Variants in PKNOX2 observed in about 807,000 individuals in gnomAD.
The protein encoded by PKNOX2 is homeobox protein PKNOX2.
PKNOX2 carries 14 observed loss-of-function variants against 53.1 expected under a neutral mutation model. That is an observed-to-expected ratio of 0.26 (90% CI 0.17 to 0.41). PKNOX2 has a LOEUF of 0.41. Among genes scored for constraint, PKNOX2 ranks in the 10% least tolerant of loss-of-function variants. The pLI is 1.00. For missense variants in PKNOX2, 496 were observed against 602.8 expected, an observed-to-expected ratio of 0.82 and a Z score of 1.85; for synonymous variants, 257 against 242.8, an observed-to-expected ratio of 1.06 and a Z score of -0.54.
chr11:125,396,703 A>T (rs1954429171), intron 6 of PKNOX2, among the ~76,000 whole-genome samples: 1 of 152,226 alleles, frequency 6.6e-6, no homozygotes, highest in South Asian at 2.1e-4. Context: ...TGGCACACAC[A>T]TGAAATAATA....
chr11:125,351,135 GCTCTCATTTGTTGCC>G (rs1354382059), intron 3 of PKNOX2, 134 bp from the exon 4 acceptor site: 2 of 668,736 alleles, frequency 3.0e-6, no homozygotes, highest in African/African-American at 3.6e-5. Context: ...CTCTTCCTTA[GCTCTCATTTGTTGCC>G]CTGAAGGGCG....
chr11:125,298,754 A>T (rs1565490939), intron 2 of PKNOX2, among the ~76,000 whole-genome samples: 1 of 152,220 alleles, frequency 6.6e-6, no homozygotes, highest in Non-Finnish European at 1.5e-5. Flanking sequence ...GAAGCCAAAC[A>T]GTGGCCTCAG....
chr11:125,399,127 T>A (rs1295128926), intron 7 of PKNOX2, among the ~76,000 whole-genome samples: 1 of 152,220 alleles, frequency 6.6e-6, no homozygotes, highest in Non-Finnish European at 1.5e-5. Flanking sequence ...ATACACTCGG[T>A]ATCACATCCA....
chr11:125,208,833 A>T (rs1939469761), intron 1 of PKNOX2, among the ~76,000 whole-genome samples: 2 of 152,106 alleles, frequency 1.3e-5, no homozygotes, highest in Admixed American at 1.3e-4. Context: ...GCGAGAGGGG[A>T]CGTGTGCTGC....
intron 2 of PKNOX2, among the ~76,000 whole-genome samples, chr11:125,267,824 A>G (rs887355830): frequency 6.6e-6 from 1 of 152,120 alleles, no homozygotes; most frequent in African/African-American, 2.4e-5. Flanking sequence ...TAGATCTGTG[A>G]GGAAGAGTAG....
At chr11:125,221,955 A>T (rs1312121403) in intron 1 of PKNOX2, among the ~76,000 whole-genome samples, 1 of 152,228 alleles carries the variant, frequency 6.6e-6, no homozygotes, top group Non-Finnish European at 1.5e-5. Context: ...GCAGAGACCT[A>T]ACACAGTTGG....
chr11:125,168,251 A>G (rs1361839351), intron 1 of PKNOX2, among the ~76,000 whole-genome samples: 1 of 152,238 alleles, frequency 6.6e-6, no homozygotes, highest in Non-Finnish European at 1.5e-5. Context: ...TCTGTTTGGC[A>G]CAAAAGGTGA....
At position 125,232,058 on chromosome 11, in the gene PKNOX2, C is replaced by T. The variant is rs567472896; in HGVS notation, c.-200-2987C>T. On this transcript the variant is annotated intron_variant, in intron 1 of 12. Coordinates refer to ENST00000298282, the MANE Select transcript of PKNOX2 (RefSeq NM_001382323.2). ...CTCATTTCTGGATGGTTCTCATTGCCAGAGAATTCTTTCTTATGTTGAACT... is the reference window on the plus strand; with the variant it reads ...CTCATTTCTGGATGGTTCTCATTGCTAGAGAATTCTTTCTTATGTTGAACT... Among the ~76,000 whole-genome samples, 24 of 152,316 alleles carry T rather than the reference C, an allele frequency of 1.6e-4. 1 individual carries two copies. Among genetic ancestry groups the T allele is most frequent in the African/African-American group, 5.5e-4 (23 of 41,562 alleles).
intron 2 of PKNOX2, among the ~76,000 whole-genome samples, chr11:125,292,923 C>T (rs1012336396): frequency 1.6e-4 from 25 of 152,124 alleles, no homozygotes; most frequent in African/African-American, 4.3e-4. Context: ...AAGTGGGAGA[C>T]GATGCGTGTT....
chr11:125,388,607 C>T (rs2135399152), intron 6 of PKNOX2, among the ~76,000 whole-genome samples: 1 of 152,176 alleles, frequency 6.6e-6, no homozygotes, highest in Middle Eastern at 3.4e-3. Context: ...GTCCTCAAGC[C>T]CCAGCTGGGC....
intron 4 of PKNOX2, among the ~76,000 whole-genome samples, chr11:125,365,520 CTT>C (rs373767709): frequency 6.6e-6 from 1 of 152,326 alleles, no homozygotes; most frequent in Non-Finnish European, 1.5e-5. Flanking sequence ...GAGGAATAAT[CTT>C]ATCAGATTTA....
At chr11:125,226,178 A>G (rs1291321161) in intron 1 of PKNOX2, among the ~76,000 whole-genome samples, 2 of 152,224 alleles carry the variant, frequency 1.3e-5, no homozygotes. Context: ...CAAGGCAGGA[A>G]TAGACATCTG....
chr11:125,377,894 A>G (rs1952938497), intron 5 of PKNOX2, among the ~76,000 whole-genome samples: 1 of 152,234 alleles, frequency 6.6e-6, no homozygotes, highest in Non-Finnish European at 1.5e-5. Context: ...GGGCTGGACA[A>G]GCTTGATCTA....
intron 1 of PKNOX2, among the ~76,000 whole-genome samples, chr11:125,186,596 G>A (rs1404458959): frequency 4.6e-5 from 7 of 152,224 alleles, no homozygotes; most frequent in African/African-American, 7.2e-5. Flanking sequence ...TGGCTACAAT[G>A]AGCTGTGATT....
intron 2 of PKNOX2, among the ~76,000 whole-genome samples, chr11:125,258,227 C>G (rs1944562365): frequency 6.6e-6 from 1 of 152,128 alleles, no homozygotes; most frequent in Non-Finnish European, 1.5e-5. Context: ...CCTCAAGCAC[C>G]ATGCACACAC....
At position 125,176,515 on chromosome 11, in the gene PKNOX2, G is replaced by A. The variant is rs973580674; in HGVS notation, c.-201+11739G>A. Among the ~76,000 whole-genome samples, 4 of 152,334 alleles carry A rather than the reference G, an allele frequency of 2.6e-5. No individual in the cohort carries two copies. The South Asian group carries it at 8.3e-4, about 32-fold the overall frequency. On this transcript the variant is annotated intron_variant, in intron 1 of 12. Transcript: ENST00000298282. The stretch of plus-strand genomic sequence containing the variant: ...GAAGCCGTGAGGGCCTCAACAGGGA[G>A]CATGACCTACTGTGGGGGTCTGGGA...
chr11:125,391,388 A>G (rs1048857527), intron 6 of PKNOX2, among the ~76,000 whole-genome samples: 2 of 152,226 alleles, frequency 1.3e-5, no homozygotes, highest in Non-Finnish European at 2.9e-5. Context: ...CCTACAAGAG[A>G]GGCACACTGA....
In PKNOX2 at chr11:125,410,771, C is replaced by T. The variant is rs755918195; in HGVS notation, c.719-8C>T. 19 of 1,612,914 alleles carry T rather than the reference C, an allele frequency of 1.2e-5. No homozygotes were observed. In the South Asian group the frequency reaches 2.1e-4, roughly 18 times the overall value. On this transcript the variant is annotated splice_polypyrimidine_tract_variant and splice_region_variant and intron_variant, in intron 8 of 12. Coordinates refer to ENST00000298282, the MANE Select transcript of PKNOX2 (RefSeq NM_001382323.2). ...GGCAGGGGACCCCAAAACTGGTTGT[C>T]TCCTCAGGTGGAGCCTTATACCAAC...
chr11:125,245,115 A>G (rs745330005), intron 2 of PKNOX2, among the ~76,000 whole-genome samples: 1 of 152,226 alleles, frequency 6.6e-6, no homozygotes, highest in Non-Finnish European at 1.5e-5. Flanking sequence ...GAGACCTTCC[A>G]TGCTGGAAGG....
Sources: allele counts gnomAD v4.1 joint callset (sites outside exome capture counted in the v4.1 genomes callset), GRCh38; gene constraint gnomAD v4.1.1; transcripts MANE v1.5; gene names NCBI Gene and HGNC (gene_info 2026-07-23, HGNC 2026-07-21).